The following EYS variants were observed in gnomAD, a reference collection of about 807,000 sequenced individuals.
EYS encodes protein eyes shut homolog.
A neutral mutation model predicts 282.1 loss-of-function variants in EYS; 250 were observed. The observed-to-expected ratio is 0.89, with a 90% CI of 0.80 to 0.98. EYS has a LOEUF of 0.98. EYS is among the 50% of genes least tolerant of loss of function. The pLI is 0.00. For synonymous variants in EYS, 1,355 were observed against 1,282.9 expected, an observed-to-expected ratio of 1.06 and a Z score of -1.20; for missense variants, 4,016 against 3,709.0, an observed-to-expected ratio of 1.08 and a Z score of -2.15.
chr6:63,955,142 G>C (rs1765761945), intron 35 of EYS, among the ~76,000 whole-genome samples: 1 of 151,946 alleles, frequency 6.6e-6, no homozygotes, highest in South Asian at 2.1e-4. Context: ...GGCCAGCACA[G>C]TCATTTCTTC....
In EYS at chr6:65,617,366, C is replaced by T. The variant is rs1050090152; in HGVS notation, c.-333+22412G>A. On this transcript the variant is annotated intron_variant, in intron 2 of 42. Coordinates refer to ENST00000503581, the MANE Select transcript of EYS (RefSeq NM_001142800.2). ...AAATTAATAGAGAAAAAGAAACTCA[C>T]TTGTTACGACTTCAAAAACTATTCT... Among the ~76,000 whole-genome samples the T allele has an allele frequency of 8.5e-5, 13 of 152,158 alleles. No individual in the cohort carries two copies. The East Asian group carries it at 2.5e-3, about 29-fold the overall frequency.
At chr6:63,998,807 T>TTA (rs1562141358) in intron 34 of EYS, among the ~76,000 whole-genome samples, 1 of 150,154 alleles carries the variant, frequency 6.7e-6, no homozygotes, top group Admixed American at 6.6e-5. Flanking sequence ...TTTTTTTTTT[T>TTA]AAAGTCAAGC....
At chr6:64,506,842 G>A (rs930619367) in intron 26 of EYS, among the ~76,000 whole-genome samples, 1 of 148,064 alleles carries the variant, frequency 6.8e-6, no homozygotes, top group East Asian at 2.0e-4. Flanking sequence ...CCGGGAGGCG[G>A]AGCTTGTAGT....
chr6:65,196,789 C>T (rs1765777333), intron 12 of EYS, among the ~76,000 whole-genome samples: 1 of 152,034 alleles, frequency 6.6e-6, no homozygotes. Flanking sequence ...GTCAATGTTA[C>T]ATTGGAGGAA....
intron 36 of EYS, among the ~76,000 whole-genome samples, chr6:63,856,858 A>G (rs1772404462): frequency 1.3e-5 from 2 of 152,216 alleles, no homozygotes; most frequent in Non-Finnish European, 2.9e-5. Context: ...TAAATATAAT[A>G]CAAGAAATCC....
At chr6:64,431,043 T>A (rs1054653766) in intron 28 of EYS, among the ~76,000 whole-genome samples, 1 of 152,096 alleles carries the variant, frequency 6.6e-6, no homozygotes, top group African/African-American at 2.4e-5. Context: ...AGAGGAGTTA[T>A]CAGAACAGAG....
intron 12 of EYS, among the ~76,000 whole-genome samples, chr6:65,230,041 G>C (rs1038642391): frequency 3.3e-5 from 5 of 151,886 alleles, no homozygotes; most frequent in African/African-American, 4.8e-5. Context: ...CAGACTGTTA[G>C]AAAGTATAGG....
At chr6:64,547,773 G>C (rs1764927783) in intron 26 of EYS, among the ~76,000 whole-genome samples, 2 of 152,344 alleles carry the variant, frequency 1.3e-5, no homozygotes, top group Admixed American at 1.3e-4. Flanking sequence ...TGTGGAGCAG[G>C]GGGCGGCGTT....
chr6:64,537,762 A>G (rs1397644802), intron 26 of EYS, among the ~76,000 whole-genome samples: 1 of 152,130 alleles, frequency 6.6e-6, no homozygotes, highest in Non-Finnish European at 1.5e-5. Flanking sequence ...TAACCCTCTT[A>G]AATGAAACTT....
intron 31 of EYS, among the ~76,000 whole-genome samples, chr6:64,185,705 A>G (rs999485868): frequency 2.6e-5 from 4 of 151,870 alleles, no homozygotes; most frequent in African/African-American, 9.7e-5. Context: ...TTTTCCGTGG[A>G]AAAAAACTGT....
intron 22 of EYS, chr6:64,733,179 C>T (rs1772032122): frequency 6.6e-6 from 1 of 152,228 alleles, no homozygotes; most frequent in African/African-American, 2.4e-5. Flanking sequence ...TCATGACTAG[C>T]TGCTGGCCTA....
At chr6:63,900,440 G>A (rs904755683) in intron 35 of EYS, among the ~76,000 whole-genome samples, 1 of 151,932 alleles carries the variant, frequency 6.6e-6, no homozygotes, top group African/African-American at 2.4e-5. Flanking sequence ...AAGAACATTC[G>A]GCTTTTTAAA....
At chr6:64,784,492 A>G (rs1018352653) in intron 22 of EYS, among the ~76,000 whole-genome samples, 2 of 152,066 alleles carry the variant, frequency 1.3e-5, no homozygotes, top group African/African-American at 2.4e-5. Flanking sequence ...TTCCCCCTTT[A>G]CTGGAATTTA....
intron 26 of EYS, among the ~76,000 whole-genome samples, chr6:64,589,817 C>T (rs1287766665): frequency 1.3e-5 from 2 of 151,750 alleles, no homozygotes; most frequent in Non-Finnish European, 2.9e-5. Flanking sequence ...TTCCTCTTTC[C>T]CATATTAAAA....
At chr6:65,471,302 G>T (rs982528030) in intron 5 of EYS, among the ~76,000 whole-genome samples, 1 of 151,398 alleles carries the variant, frequency 6.6e-6, no homozygotes, top group Non-Finnish European at 1.5e-5. Flanking sequence ...TGGCTGAAGT[G>T]GGAGGATTAC....
At chr6:63,893,039 C>A (rs889083904) in intron 35 of EYS, among the ~76,000 whole-genome samples, 1 of 152,110 alleles carries the variant, frequency 6.6e-6, no homozygotes, top group East Asian at 1.9e-4. Context: ...TACCACCTTA[C>A]ACCAGTTAGA....
intron 19 of EYS, among the ~76,000 whole-genome samples, chr6:64,863,645 G>C (rs956262636): frequency 6.6e-6 from 1 of 152,104 alleles, no homozygotes; most frequent in Non-Finnish European, 1.5e-5. Flanking sequence ...TCATTATATA[G>C]CAATAGTAGC....
At chr6:63,796,968 C>T (rs997563183) in intron 37 of EYS, among the ~76,000 whole-genome samples, 1 of 152,178 alleles carries the variant, frequency 6.6e-6, no homozygotes, top group African/African-American at 2.4e-5. Flanking sequence ...ATGAATATTG[C>T]TTACAGAATG....
At chr6:64,646,378 G>A (rs959690407) in intron 22 of EYS, among the ~76,000 whole-genome samples, 7 of 152,088 alleles carry the variant, frequency 4.6e-5, no homozygotes, top group Admixed American at 4.6e-4. Context: ...AGATTTCATT[G>A]CTCTAGACAT....
Sources: allele counts gnomAD v4.1 joint callset (sites outside exome capture counted in the v4.1 genomes callset), GRCh38; gene constraint gnomAD v4.1.1; transcripts MANE v1.5; gene names NCBI Gene and HGNC (gene_info 2026-07-23, HGNC 2026-07-21).